DCP2: variants seen among roughly 807,000 people sequenced by gnomAD.
DCP2 encodes the protein decapping mRNA 2.
Under a neutral mutation model 56.1 loss-of-function variants are expected in DCP2, and 30 were observed. The ratio of observed to expected loss-of-function variants is 0.53; its 90% confidence interval spans 0.40 to 0.73. The LOEUF (loss-of-function observed/expected upper bound fraction) is 0.73, where lower values mean the gene tolerates loss of function less well. DCP2 is among the 30% of genes least tolerant of loss of function. The pLI, the probability that DCP2 is intolerant of heterozygous loss-of-function variation, is 0.00. For missense variants in DCP2, 533 were observed against 502.7 expected (o/e 1.06, Z -0.58); for synonymous variants, 197 against 163.3 (o/e 1.21, Z -1.57).
chr5:112,996,353 G>C (rs1210917579), intron 4 of DCP2, among the ~76,000 whole-genome samples: 1 of 152,136 alleles, frequency 6.6e-6, no homozygotes, highest in Non-Finnish European at 1.5e-5. Flanking sequence ...GATGAGGAGA[G>C]ATTTTGTTCT....
intron 8 of DCP2, among the ~76,000 whole-genome samples, chr5:113,006,784 AGCAAGATTCAAACTATT>A (rs2150188489): frequency 6.6e-6 from 1 of 152,342 alleles, no homozygotes; most frequent in Admixed American, 6.5e-5. Context: ...GCAATTTAAT[AGCAAGATTCAAACTATT>A]GCATGTCTAA....
chr5:112,984,924 T>G (rs1748201151), intron 1 of DCP2, among the ~76,000 whole-genome samples: 1 of 151,508 alleles, frequency 6.6e-6, no homozygotes, highest in South Asian at 2.1e-4. Context: ...AAGAGTATTC[T>G]TATGCTTATT....
intron 2 of DCP2, among the ~76,000 whole-genome samples, chr5:112,991,154 T>C (rs1748568003): frequency 6.6e-6 from 1 of 152,194 alleles, no homozygotes; most frequent in Non-Finnish European, 1.5e-5. Flanking sequence ...ATTTGATACA[T>C]ATGGTCATCT....
At chr5:112,982,776 T>C (rs1397612458) in intron 1 of DCP2, among the ~76,000 whole-genome samples, 1 of 152,222 alleles carries the variant, frequency 6.6e-6, no homozygotes, top group African/African-American at 2.4e-5. Flanking sequence ...CAACCCTCAC[T>C]CCTGTTTTCT....
Position 113,010,740 on chromosome 5 carries a change from T to G in DCP2, c.1048-16T>G. 1 of 1,569,636 alleles carries G rather than the reference T, an allele frequency of 6.4e-7. No homozygotes were observed. Among genetic ancestry groups the G allele is most frequent in the South Asian group, 1.2e-5 (1 of 83,810 alleles). On this transcript the variant is annotated splice_polypyrimidine_tract_variant and intron_variant, in intron 9 of 10. Transcript: ENST00000389063. ...TTGTATGTGTGTGTGTGTGTGTTTT[T>G]TTTTTTTTTAAATAGAAGTGTGAAA...
intron 4 of DCP2, 47 bp from the exon 5 acceptor site, chr5:113,001,037 G>T: frequency 6.5e-7 from 1 of 1,534,018 alleles, no homozygotes; most frequent in Non-Finnish European, 8.8e-7. Context: ...ATGAACTAGA[G>T]GCCTAAGAAC....
chr5:112,982,598 G>A lies in DCP2; in HGVS notation c.54-3237G>A, dbSNP rs111665902. 1.7e-3 allele frequency among the ~76,000 whole-genome samples: 258 copies of A among 152,240 alleles called. 1 individual carries two copies. Among genetic ancestry groups the A allele is most frequent in the African/African-American group, 5.9e-3 (246 of 41,536 alleles). The stretch of plus-strand genomic sequence containing the variant: ...TCCACATTTTGAGTACCAGTGTCTA[G>A]GTGATATCCTTAATACTACCTTCCA... On this transcript the variant is annotated intron_variant, in intron 1 of 10. Transcript: ENST00000389063.
rs1049877830 is a variant in DCP2, at chr5:113,016,510, T to C, written c.*3026T>C. On this transcript the variant is annotated 3_prime_UTR_variant, in exon 11 of 11. Transcript: ENST00000389063. ...AATGAAGACATATAATGAAAGTAAT[T>C]TTATGCTGTAAGATTGAATTGGTAC... is the stretch of plus-strand genomic sequence containing the variant. The C allele has an allele frequency of 2.0e-5, 3 of 152,222 alleles. No individual in the cohort carries two copies. The highest frequency in any genetic ancestry group is 1.3e-4 in the Admixed American group (2 of 15,280). The allele number at this position is 152,222 out of a possible 1,614,324, so 9.4% of individuals were successfully genotyped here.
intron 4 of DCP2, among the ~76,000 whole-genome samples, chr5:112,993,639 A>AC (rs1282756254): frequency 7.6e-6 from 1 of 132,448 alleles, no homozygotes; most frequent in African/African-American, 2.6e-5. Flanking sequence ...AAAAAAAAAA[A>AC]CCAAAAAAAA....
chr5:112,991,996 T>G, intron 2 of DCP2, 125 bp from the exon 3 acceptor site: 1 of 1,416,172 alleles, frequency 7.1e-7, no homozygotes. Flanking sequence ...AATGCTACAC[T>G]TAAATGAGGG....
intron 7 of DCP2, 39 bp downstream of exon 7, chr5:113,001,713 G>A (rs947357650): frequency 6.4e-7 from 1 of 1,559,040 alleles, no homozygotes; most frequent in Non-Finnish European, 8.8e-7. Context: ...TTTTCTAATA[G>A]TTTTTAAAAG....
rs1749762211 is a variant in DCP2, at chr5:113,013,439, T to C, written c.1218T>C (p.Ser406=). Residue 406 remains serine, a synonymous_variant, in exon 11 of 11, where the codon AGT becomes AGC. Coordinates refer to ENST00000389063, the MANE Select transcript of DCP2 (RefSeq NM_152624.6). ...KFPFSSRAFL[S]FKFDHNAIMK... ...CCTTTTCATCCAGAGCCTTTTTGAG[T>C]TTCAAGTTTGACCATAATGCTATAA... 1 of 1,613,832 alleles carries C rather than the reference T, an allele frequency of 6.2e-7. No individual in the cohort carries two copies. The highest frequency in any genetic ancestry group is 1.3e-5 in the African/African-American group (1 of 74,860).
chr5:112,977,016 C>T lies in DCP2; in HGVS notation c.53+30C>T, dbSNP rs201205008. 190 of 1,475,756 alleles carry T rather than the reference C, an allele frequency of 1.3e-4. 1 individual carries two copies. The East Asian group carries it at 4.1e-3, about 32-fold the overall frequency. 91.4% of individuals were successfully genotyped at this position (1,475,756 alleles called of 1,614,324 possible). ...CGCGCTACCCGACCCCCTTTCGCCC[C>T]CGTCGGGTTTTCTCAGTTTCGCGGA... On this transcript the variant is annotated intron_variant, in intron 1 of 10. Transcript: ENST00000389063.
At chr5:113,006,758 G>C (rs1191726438) in intron 8 of DCP2, among the ~76,000 whole-genome samples, 1 of 152,004 alleles carries the variant, frequency 6.6e-6, no homozygotes, top group Non-Finnish European at 1.5e-5. Flanking sequence ...TTTTTTGGTA[G>C]GAAAATTATC....
rs1162764066 is a variant in DCP2, at chr5:113,014,679, GC to G, written c.*1196del. 9.2e-5 allele frequency: 14 copies of G among 152,646 alleles called. No homozygotes were observed. Among genetic ancestry groups the G allele is most frequent in the African/African-American group, 2.9e-4 (12 of 41,440 alleles). The allele number at this position is 152,646 out of a possible 1,614,324, so 9.5% of individuals were successfully genotyped here. On this transcript the variant is annotated 3_prime_UTR_variant, in exon 11 of 11. Transcript: ENST00000389063. The stretch of plus-strand genomic sequence containing the variant: ...GCTATAACTGAGGACAATCACCAGG[GC>G]GTTAAGGGGGCTTTAGTGTTTTGGC...
chr5:113,007,184 G>A (rs1176888122), intron 8 of DCP2, among the ~76,000 whole-genome samples: 1 of 151,886 alleles, frequency 6.6e-6, no homozygotes, highest in East Asian at 1.9e-4. Flanking sequence ...TAAAAACTTT[G>A]TAAAAATTAA....
rs760890568 is a variant in DCP2, at chr5:112,976,911, T to C, written c.-23T>C. 1.2e-6 allele frequency: 2 copies of C among 1,613,722 alleles called. No individual in the cohort carries two copies. Among genetic ancestry groups the C allele is most frequent in the Admixed American group, 3.3e-5 (2 of 60,026 alleles). ...CCGGCCGCGCGGAGCCGGGATGCAC[T>C]GTTCCTGCTGTGGGTCCTCATCATG... On this transcript the variant is annotated 5_prime_UTR_variant, in exon 1 of 11. Coordinates refer to ENST00000389063, the MANE Select transcript of DCP2 (RefSeq NM_152624.6).
chr5:112,988,619 G>A (rs1748424510), intron 2 of DCP2, among the ~76,000 whole-genome samples: 1 of 152,106 alleles, frequency 6.6e-6, no homozygotes, highest in South Asian at 2.1e-4. Context: ...ACACTGATGG[G>A]AGACAGATTT....
intron 9 of DCP2, among the ~76,000 whole-genome samples, chr5:113,008,504 TAGTC>T (rs1361887755): frequency 6.6e-6 from 1 of 152,218 alleles, no homozygotes; most frequent in Non-Finnish European, 1.5e-5. Context: ...TTCTTTTGTT[TAGTC>T]AGTCCTCCAA....
Sources: gnomAD v4.1 joint callset for allele counts (sites outside exome capture counted in the v4.1 genomes callset) on GRCh38, gnomAD v4.1.1 for gene constraint, MANE v1.5 for transcripts, NCBI Gene and HGNC (gene_info 2026-07-23, HGNC 2026-07-21) for gene names.